Variants in DSC3 observed in about 807,000 individuals in gnomAD.
DSC3 encodes the protein desmocollin-3.
DSC3 carries 97 observed loss-of-function variants against 89.5 expected under a neutral mutation model. The ratio of observed to expected loss-of-function variants is 1.08; its 90% confidence interval spans 0.92 to 1.28. DSC3 has a LOEUF of 1.28. DSC3 is among the 50% of genes most tolerant of loss of function. The probability of loss-of-function intolerance (pLI) is 0.00; values close to 1 mark genes in which losing one functional copy is unlikely to be tolerated. For missense variants in DSC3, 1,199 were observed against 1,085.3 expected, an observed-to-expected ratio of 1.10 and a Z score of -1.47; for synonymous variants, 436 against 384.1, an observed-to-expected ratio of 1.14 and a Z score of -1.58.
Position 31,018,884 on chromosome 18 carries a change from TCA to T in DSC3, c.943-86_943-85del, listed in dbSNP as rs5823776. 0.01 allele frequency: 12,270 copies of T among 1,223,248 alleles called. 880 individuals are homozygous for T. The African/African-American group carries it at 0.18, about 18-fold the overall frequency. 75.8% of individuals were successfully genotyped at this position (1,223,248 alleles called of 1,614,324 possible). ...AAACCTCAATTGCACACTCACTCAC[TCA>T]CATACACACACATCTGTGTGTTTCC... is the stretch of plus-strand genomic sequence containing the variant. On this transcript the variant is annotated intron_variant, in intron 7 of 15. Coordinates refer to ENST00000360428, the MANE Select transcript of DSC3 (RefSeq NM_001941.5).
chr18:31,036,563 C>CT (rs951526739), intron 1 of DSC3, among the ~76,000 whole-genome samples: 6 of 150,928 alleles, frequency 4.0e-5, no homozygotes, highest in Non-Finnish European at 5.9e-5. Flanking sequence ...ATTGCTCAAT[C>CT]TTTTTTTTTA....
At chr18:30,996,673 C>A (rs2144672751) in intron 15 of DSC3, 118 bp downstream of exon 15, 1 of 1,149,174 alleles carries the variant, frequency 8.7e-7, no homozygotes, top group Non-Finnish European at 1.2e-6. Context: ...GGAAAATGAA[C>A]AGAGCAAGCA....
At chr18:31,041,101 C>T (rs1986115566) in intron 1 of DSC3, among the ~76,000 whole-genome samples, 1 of 152,158 alleles carries the variant, frequency 6.6e-6, no homozygotes, top group Non-Finnish European at 1.5e-5. Context: ...GCTCGACACC[C>T]CCACCCATGC....
At chr18:31,005,597 T>G (rs543552734) in intron 12 of DSC3, among the ~76,000 whole-genome samples, 9 of 152,336 alleles carry the variant, frequency 5.9e-5, no homozygotes, top group African/African-American at 9.6e-5. Context: ...GATATACTTA[T>G]TCTCCTGGTA....
chr18:31,025,208 A>T (rs1985556743), intron 5 of DSC3, among the ~76,000 whole-genome samples: 1 of 152,176 alleles, frequency 6.6e-6, no homozygotes, highest in African/African-American at 2.4e-5. Context: ...TTACCATATT[A>T]CACTGAAAAT....
chr18:30,994,336 G>A lies in DSC3; in HGVS notation c.2530C>T (p.Pro844Ser). The A allele has an allele frequency of 4.3e-6, 7 of 1,613,978 alleles. No individual in the cohort carries two copies. The highest frequency in any genetic ancestry group is 5.1e-6 in the Non-Finnish European group (6 of 1,179,952). Residue 844 changes from proline to serine, a missense_variant, in exon 16 of 16, where the codon CCA becomes TCA. Pro to Ser is a moderately conservative substitution (Grantham distance 74, BLOSUM62 -1). Transcript: ENST00000360428. The stretch of plus-strand genomic sequence containing the variant: ...TAAGTGAGGACATAATCTTGGGATG[G>A]CATGCGGTCTTCATTCTGATTACAT... ...HRCNQNEDRM[P>S]SQDYVLTYNY...
At chr18:31,019,422 A>G (rs1343198658) in intron 7 of DSC3, among the ~76,000 whole-genome samples, 1 of 152,166 alleles carries the variant, frequency 6.6e-6, no homozygotes, top group African/African-American at 2.4e-5. Context: ...TATATCCTTA[A>G]GGAAGTTTTG....
chr18:30,999,506 T>C (rs1044335818), intron 14 of DSC3, among the ~76,000 whole-genome samples: 7 of 151,564 alleles, frequency 4.6e-5, no homozygotes, highest in Non-Finnish European at 8.8e-5. Flanking sequence ...TTCGTTGTAA[T>C]AAACACAAGT....
In DSC3 at chr18:31,018,181, T is replaced by C. The variant is rs1985297461; in HGVS notation, c.1153A>G (p.Asn385Asp). ...AAATTGACTCTCCAATTGGCAGTGT[T>C]AATTAAATCCTTATCTTCTATAGGT... ...RIPIEDKDLI[N>D]TANWRVNFTI... Residue 385 changes from asparagine (N) to aspartate (D), a missense_variant, in exon 9 of 16, where the codon AAC (asparagine) becomes GAC (aspartate). Physicochemically the swap from Asn to Asp is conservative, Grantham distance 23 (BLOSUM62 1). Transcript: ENST00000360428. The C allele has an allele frequency of 6.2e-7, 1 of 1,612,054 alleles. No individual in the cohort carries two copies. The highest frequency in any genetic ancestry group is 1.3e-5 in the African/African-American group (1 of 74,862).
chr18:31,042,491 G>T, intron 1 of DSC3, 101 bp downstream of exon 1: 1 of 1,225,104 alleles, frequency 8.2e-7, no homozygotes, highest in Non-Finnish European at 1.2e-6. Context: ...CTGAGCCGCG[G>T]TTGTCACGTT....
In DSC3 at chr18:31,004,354, C is replaced by T. The variant is rs367811987; in HGVS notation, c.1901G>A (p.Arg634His). The T allele has an allele frequency of 3.1e-5, 50 of 1,613,452 alleles. No individual in the cohort carries two copies. Among genetic ancestry groups the T allele is most frequent in the South Asian group, 2.2e-4 (20 of 91,070 alleles). ...TCCAGCATTTTTCTGATATGAAAGA[C>T]GGGCAGCTGTATCTGAAAGAAAATA... ...SLTKVNDTAA[R>H]LSYQKNAGFQ... Residue 634 changes from arginine (R) to histidine (H), a missense_variant, in exon 13 of 16, where the codon CGT (arginine) becomes CAT (histidine). Coordinates refer to ENST00000360428, the MANE Select transcript of DSC3 (RefSeq NM_001941.5).
At chr18:31,003,360 T>G (rs1984731185) in intron 13 of DSC3, among the ~76,000 whole-genome samples, 1 of 152,200 alleles carries the variant, frequency 6.6e-6, no homozygotes, top group South Asian at 2.1e-4. Context: ...CCTAAGCACC[T>G]AGAACAGTTT....
chr18:31,035,238 A>C (rs1985932860), intron 1 of DSC3, among the ~76,000 whole-genome samples: 1 of 152,110 alleles, frequency 6.6e-6, no homozygotes, highest in African/African-American at 2.4e-5. Context: ...CAATTATTCT[A>C]ATATGTGATC....
At chr18:31,027,366 C>T (rs1985631744) in intron 4 of DSC3, among the ~76,000 whole-genome samples, 1 of 151,964 alleles carries the variant, frequency 6.6e-6, no homozygotes, top group African/African-American at 2.4e-5. Flanking sequence ...TTTTTGCTGG[C>T]ATCACAGTTT....
chr18:30,997,836 C>G (rs1984528288), intron 14 of DSC3, among the ~76,000 whole-genome samples: 1 of 152,054 alleles, frequency 6.6e-6, no homozygotes, highest in South Asian at 2.1e-4. Flanking sequence ...AGACTAGGGA[C>G]TAGTAGGAGT....
At chr18:31,027,615 G>C (rs1232752007) in intron 4 of DSC3, among the ~76,000 whole-genome samples, 1 of 152,058 alleles carries the variant, frequency 6.6e-6, no homozygotes, top group Non-Finnish European at 1.5e-5. Flanking sequence ...TTCAGAGACT[G>C]TTCTGAAGTT....
rs1179737928 is a variant in DSC3 at position 30,991,777 on chromosome 18, A to G, written c.*2398T>C. 1 of 152,162 alleles carries G rather than the reference A, an allele frequency of 6.6e-6. No individual in the cohort carries two copies. The highest frequency in any genetic ancestry group is 1.5e-5 in the Non-Finnish European group (1 of 68,048). The allele number at this position is 152,162 out of a possible 1,614,324, so 9.4% of individuals were successfully genotyped here. On this transcript the variant is annotated 3_prime_UTR_variant, in exon 16 of 16. Transcript: ENST00000360428. Reference sequence around the variant, plus strand: ...AGTTCTTTCTCCCCCTGGCTTCTCGACTGTCTTTTGGTTGAGTATTTCAAG... The same window carrying G: ...AGTTCTTTCTCCCCCTGGCTTCTCGGCTGTCTTTTGGTTGAGTATTTCAAG...
At chr18:31,016,714 C>G (rs1985248255) in intron 9 of DSC3, among the ~76,000 whole-genome samples, 1 of 152,130 alleles carries the variant, frequency 6.6e-6, no homozygotes. Flanking sequence ...ATTTAAGGAT[C>G]CCTGGGTGAA....
rs772568578 is a variant in DSC3, at chr18:31,006,984, T to C, written c.1811A>G (p.His604Arg). Residue 604 changes from histidine to arginine, a missense_variant, in exon 12 of 16, where the codon CAT becomes CGT. Transcript: ENST00000360428. Reference protein sequence around the residue: ...ILAVDPDEPVHGAPFYFSLPN... With the variant: ...ILAVDPDEPVRGAPFYFSLPN... ...CAAACTGAAATAAAATGGAGCTCCATGGACAGGTTCATCAGGATCAACAGC... is the reference window on the plus strand; with the variant it reads ...CAAACTGAAATAAAATGGAGCTCCACGGACAGGTTCATCAGGATCAACAGC... 3 of 1,613,970 alleles carry C rather than the reference T, an allele frequency of 1.9e-6. No individual in the cohort carries two copies. Among genetic ancestry groups the C allele is most frequent in the Middle Eastern group, 1.7e-4 (1 of 6,060 alleles).
Sources: gnomAD v4.1 joint callset for allele counts (sites outside exome capture counted in the v4.1 genomes callset) on GRCh38, gnomAD v4.1.1 for gene constraint, MANE v1.5 for transcripts, NCBI Gene and HGNC (gene_info 2026-07-23, HGNC 2026-07-21) for gene names.